Variants in RCOR1 observed in about 807,000 individuals in gnomAD.
The protein encoded by RCOR1 is REST corepressor.
RCOR1 carries 12 observed loss-of-function variants against 64.0 expected under a neutral mutation model. The ratio of observed to expected loss-of-function variants is 0.19; its 90% CI spans 0.12 to 0.30. The LOEUF is 0.30. Among genes scored for constraint, RCOR1 ranks in the 10% least tolerant of loss-of-function variants. The pLI is 1.00. For synonymous variants in RCOR1, 279 were observed against 227.2 expected (o/e 1.23, Z -2.05); for missense variants, 502 against 621.2 (o/e 0.81, Z 2.04).
intron 2 of RCOR1, chr14:102,658,467 G>A (rs1742652580): frequency 2.1e-6 from 2 of 948,704 alleles, no homozygotes; most frequent in Non-Finnish European, 1.3e-6. Flanking sequence ...CAGGCTGGGT[G>A]AGAGTGAGAC....
At chr14:102,619,143 C>T (rs867746778) in intron 2 of RCOR1, among the ~76,000 whole-genome samples, 8 of 145,578 alleles carry the variant, frequency 5.5e-5, no homozygotes, top group South Asian at 2.1e-4. Flanking sequence ...TTTTTTGAGA[C>T]GGAGTTTCGC....
intron 2 of RCOR1, among the ~76,000 whole-genome samples, chr14:102,616,550 T>C (rs1355625493): frequency 6.6e-6 from 1 of 152,000 alleles, no homozygotes; most frequent in African/African-American, 2.4e-5. Flanking sequence ...CAATTACAGG[T>C]GTGAGTCATC....
At chr14:102,625,973 C>A (rs1470327154) in intron 2 of RCOR1, among the ~76,000 whole-genome samples, 1 of 152,136 alleles carries the variant, frequency 6.6e-6, no homozygotes, top group African/African-American at 2.4e-5. Context: ...GTTCTCTGCC[C>A]TACCTCAGCC....
At chr14:102,599,408 A>G (rs1361995731) in intron 2 of RCOR1, among the ~76,000 whole-genome samples, 1 of 152,176 alleles carries the variant, frequency 6.6e-6, no homozygotes, top group African/African-American at 2.4e-5. Flanking sequence ...CTGGGCTTAC[A>G]GGTGTGAGCC....
At chr14:102,645,048 G>T (rs542127939) in intron 2 of RCOR1, among the ~76,000 whole-genome samples, 1 of 152,230 alleles carries the variant, frequency 6.6e-6, no homozygotes, top group East Asian at 1.9e-4. Context: ...GTCCAAACTG[G>T]TATAATTCCT....
At position 102,632,118 on chromosome 14, in the gene RCOR1, A is replaced by C. The variant is rs562259516; in HGVS notation, c.361+38793A>C. ...AGCCACCGTGCCGAGCCACCATCAG[A>C]TTTTCTTGGTGGGCACTGAATGATG... On this transcript the variant is annotated intron_variant, in intron 2 of 11. Transcript: ENST00000262241. Among the ~76,000 whole-genome samples, 103 of 147,954 alleles carry C rather than the reference A, an allele frequency of 7.0e-4. 1 individual carries two copies. Among genetic ancestry groups the C allele is most frequent in the African/African-American group, 2.3e-3 (92 of 40,018 alleles).
chr14:102,629,516 T>G (rs1194372070), intron 2 of RCOR1, among the ~76,000 whole-genome samples: 1 of 152,034 alleles, frequency 6.6e-6, no homozygotes, highest in Non-Finnish European at 1.5e-5. Flanking sequence ...TTTCTGTTTA[T>G]TTAAAAATAC....
chr14:102,726,787 C>A lies in RCOR1; in HGVS notation c.*281C>A. 1 of 424,578 alleles carries A rather than the reference C, an allele frequency of 2.4e-6. No homozygotes were observed. The highest frequency in any genetic ancestry group is 4.1e-6 in the Non-Finnish European group (1 of 241,208). The allele number at this position is 424,578 out of a possible 1,614,324, so 26.3% of individuals were successfully genotyped here. The stretch of plus-strand genomic sequence containing the variant: ...TCTCTTGTGACTCTGGGAACCGCCT[C>A]TCCCGCCGGAGCCCCCGAGCCCCAC... On this transcript the variant is annotated 3_prime_UTR_variant, in exon 12 of 12. Coordinates refer to ENST00000262241, the MANE Select transcript of RCOR1 (RefSeq NM_015156.4).
At position 102,596,755 on chromosome 14, in the gene RCOR1, C is replaced by T. The variant is rs570746838; in HGVS notation, c.361+3430C>T. Among the ~76,000 whole-genome samples, 51 of 151,584 alleles carry T rather than the reference C, an allele frequency of 3.4e-4. No homozygotes were observed. In the Middle Eastern group the frequency reaches 0.017, roughly 51 times the overall value. ...AATTTTTGTGTTTTTATTAGAGATG[C>T]GGTTTCACCATGTTGGCCAGGCTGG... is the stretch of plus-strand genomic sequence containing the variant. On this transcript the variant is annotated intron_variant, in intron 2 of 11. Coordinates refer to ENST00000262241, the MANE Select transcript of RCOR1 (RefSeq NM_015156.4).
chr14:102,729,810 C>CT lies in RCOR1; in HGVS notation c.*3308dup, dbSNP rs566022263. 41 of 399,064 alleles carry CT rather than the reference C, an allele frequency of 1.0e-4. 1 individual carries two copies. The South Asian group carries it at 4.8e-3, about 47-fold the overall frequency. The allele number at this position is 399,064 out of a possible 1,614,324, so 24.7% of individuals were successfully genotyped here. A position where few individuals can be genotyped will look rare whatever the true frequency, so the allele number is the denominator to read the frequency against. On this transcript the variant is annotated 3_prime_UTR_variant, in exon 12 of 12. Transcript: ENST00000262241. ...GTGCATTACGCTAACTGGATCCCTG[C>CT]TTTTATGTGAGCTAAGGAAAGATGG...
At chr14:102,659,125 A>G in intron 2 of RCOR1, 4 of 985,346 alleles carry the variant, frequency 4.1e-6, no homozygotes, top group Non-Finnish European at 4.8e-6. Flanking sequence ...TTTGCCCGTT[A>G]TTCTACCGAC....
At chr14:102,627,369 CT>C (rs1223613434) in intron 2 of RCOR1, among the ~76,000 whole-genome samples, 1 of 152,156 alleles carries the variant, frequency 6.6e-6, no homozygotes, top group Non-Finnish European at 1.5e-5. Context: ...TGTTTAAAAA[CT>C]TTTTTGCCGG....
At chr14:102,682,365 G>C (rs979153972) in intron 3 of RCOR1, among the ~76,000 whole-genome samples, 9 of 152,240 alleles carry the variant, frequency 5.9e-5, no homozygotes, top group Middle Eastern at 3.4e-3. Context: ...CCTGACTTCA[G>C]GTGATCCGCC....
At position 102,685,773 on chromosome 14, in the gene RCOR1, G is replaced by A. The variant is rs568674574; in HGVS notation, c.445+3795G>A. 2.8e-4 allele frequency among the ~76,000 whole-genome samples: 43 copies of A among 152,258 alleles called. No homozygotes were observed. In the South Asian group the frequency reaches 5.4e-3, roughly 19 times the overall value. ...GCTCAAGAGTTTGAGACCAGTCTGGGCAACATGGTGAAACCCCATGTCTCT... is the reference window on the plus strand; with the variant it reads ...GCTCAAGAGTTTGAGACCAGTCTGGACAACATGGTGAAACCCCATGTCTCT... On this transcript the variant is annotated intron_variant, in intron 3 of 11. Transcript: ENST00000262241.
chr14:102,673,886 A>T (rs1895084959), intron 2 of RCOR1, among the ~76,000 whole-genome samples: 1 of 152,198 alleles, frequency 6.6e-6, no homozygotes, highest in African/African-American at 2.4e-5. Flanking sequence ...AAGTGCTGGG[A>T]TTACAGGGGT....
At chr14:102,636,490 A>G (rs1427337758) in intron 2 of RCOR1, among the ~76,000 whole-genome samples, 1 of 150,912 alleles carries the variant, frequency 6.6e-6, no homozygotes, top group Non-Finnish European at 1.5e-5. Flanking sequence ...TATGTTGGCC[A>G]GGCTGGTCTC....
chr14:102,730,504 C>G lies in RCOR1; in HGVS notation c.*3998C>G, dbSNP rs1290744019. The G allele has an allele frequency of 6.5e-6, 1 of 152,854 alleles. No individual in the cohort carries two copies. Among genetic ancestry groups the G allele is most frequent in the Non-Finnish European group, 1.5e-5 (1 of 68,250 alleles). 9.5% of individuals were successfully genotyped at this position (152,854 alleles called of 1,614,324 possible). On this transcript the variant is annotated 3_prime_UTR_variant, in exon 12 of 12. Transcript: ENST00000262241. ...GTGAAATTCTGCAGAATTCATTTTT[C>G]TATTTCCAATATTTGCTGAGGTTAA...
rs529904123 is a variant in RCOR1, at chr14:102,729,129, T to C, written c.*2623T>C. ...ATATATATTTTTGTGGAAAATTTTC[T>C]CCTAAGTATAAGTTATTGTGCAAAA... On this transcript the variant is annotated 3_prime_UTR_variant, in exon 12 of 12. Coordinates refer to ENST00000262241, the MANE Select transcript of RCOR1 (RefSeq NM_015156.4). 6.5e-6 allele frequency: 1 copy of C among 152,792 alleles called. No individual in the cohort carries two copies. The highest frequency in any genetic ancestry group is 2.1e-4 in the South Asian group (1 of 4,832). The allele number at this position is 152,792 out of a possible 1,614,324, so 9.5% of individuals were successfully genotyped here. A position where few individuals can be genotyped will look rare whatever the true frequency, so the allele number is the denominator to read the frequency against.
chr14:102,644,847 C>G (rs1894447702), intron 2 of RCOR1, among the ~76,000 whole-genome samples: 1 of 152,192 alleles, frequency 6.6e-6, no homozygotes, highest in Non-Finnish European at 1.5e-5. Context: ...GGTCTCAGTT[C>G]TGGTGCCTGG....
Sources: gnomAD v4.1 joint callset for allele counts (sites outside exome capture counted in the v4.1 genomes callset) on GRCh38, gnomAD v4.1.1 for gene constraint, MANE v1.5 for transcripts, NCBI Gene and HGNC (gene_info 2026-07-23, HGNC 2026-07-21) for gene names.